The following GAS7 variants were observed in gnomAD, a reference collection of about 807,000 sequenced individuals.
The protein encoded by GAS7 is growth arrest specific 7, also known as growth arrest-specific protein 7.
A neutral mutation model predicts 71.1 loss-of-function variants in GAS7; 28 were observed. The observed-to-expected ratio is 0.39, with a 90% CI of 0.29 to 0.54. The LOEUF (loss-of-function observed/expected upper bound fraction) is 0.54, where lower values mean the gene tolerates loss of function less well. Among genes scored for constraint, GAS7 ranks in the 20% least tolerant of loss-of-function variants. The probability of loss-of-function intolerance (pLI) is 0.62; values close to 1 mark genes in which losing one functional copy is unlikely to be tolerated. For synonymous variants in GAS7, 258 were observed against 245.8 expected (o/e 1.05, Z -0.46); for missense variants, 436 against 627.8 (o/e 0.69, Z 3.27).
intron 11 of GAS7, chr17:9,924,532 C>CCCA (rs1273530859): frequency 1.3e-5 from 2 of 148,994 alleles, no homozygotes; most frequent in African/African-American, 4.9e-5. Flanking sequence ...TCTGTGCCCC[C>CCCA]CCTTCTCTCT....
intron 1 of GAS7, among the ~76,000 whole-genome samples, chr17:10,184,809 T>C (rs2142146981): frequency 6.6e-6 from 1 of 152,284 alleles, no homozygotes; most frequent in South Asian, 2.1e-4. Context: ...AGGTTGGAGC[T>C]GGTCACCAGG....
intron 5 of GAS7, among the ~76,000 whole-genome samples, 198 bp from the exon 6 acceptor site, chr17:9,947,181 C>T (rs570265390): frequency 6.6e-6 from 1 of 152,268 alleles, no homozygotes; most frequent in East Asian, 1.9e-4. Context: ...GGCTGTGAAC[C>T]AGTACCACCT....
Position 9,913,935 on chromosome 17 carries a change from AG to A in GAS7, c.*3292del. Reference sequence around the variant, plus strand: ...GGGCTGACTTGTTCTCAGAAATGGAAGGGACATTCTCAAGAATAGCCCAGAC... The same window carrying A: ...GGGCTGACTTGTTCTCAGAAATGGAAGGACATTCTCAAGAATAGCCCAGAC... On this transcript the variant is annotated 3_prime_UTR_variant, in exon 14 of 14. Transcript: ENST00000432992. 1 of 232,220 alleles carries A rather than the reference AG, an allele frequency of 4.3e-6. No homozygotes were observed. 14.4% of individuals were successfully genotyped at this position (232,220 alleles called of 1,614,324 possible). A position where few individuals can be genotyped will look rare whatever the true frequency, so the allele number is the denominator to read the frequency against.
At chr17:10,012,930 G>A (rs1233326611) in intron 2 of GAS7, among the ~76,000 whole-genome samples, 6 of 151,600 alleles carry the variant, frequency 4.0e-5, no homozygotes, top group East Asian at 2.0e-4. Context: ...GTGAAACCCC[G>A]TCTCTACTAA....
At chr17:9,979,511 G>A (rs2070331191) in intron 3 of GAS7, among the ~76,000 whole-genome samples, 1 of 152,152 alleles carries the variant, frequency 6.6e-6, no homozygotes, top group African/African-American at 2.4e-5. Context: ...TCTAAGCCAG[G>A]GACCGGAGGC....
intron 1 of GAS7, among the ~76,000 whole-genome samples, chr17:10,183,222 G>T (rs530541360): frequency 1.3e-5 from 2 of 151,936 alleles, no homozygotes; most frequent in African/African-American, 4.8e-5. Context: ...CAGAATCTCA[G>T]GCCCCACCCC....
chr17:9,949,449 C>G (rs574189653), intron 5 of GAS7, among the ~76,000 whole-genome samples: 23 of 152,316 alleles, frequency 1.5e-4, no homozygotes, highest in African/African-American at 5.3e-4. Flanking sequence ...CAAAGTCAGG[C>G]CCATGGACCT....
intron 11 of GAS7, among the ~76,000 whole-genome samples, chr17:9,921,553 T>C (rs1239899432): frequency 6.6e-6 from 1 of 152,188 alleles, no homozygotes; most frequent in Non-Finnish European, 1.5e-5. Flanking sequence ...TTCCACAGCA[T>C]TGGGAAACAG....
rs186745781 is a variant in GAS7, at chr17:10,138,940, A to G, written c.183+59268T>C. Among the ~76,000 whole-genome samples the G allele has an allele frequency of 2.7e-3, 415 of 152,302 alleles. 1 individual carries two copies. The highest frequency in any genetic ancestry group is 9.5e-3 in the African/African-American group (393 of 41,560). On this transcript the variant is annotated intron_variant, in intron 1 of 13. Coordinates refer to ENST00000432992, the MANE Select transcript of GAS7 (RefSeq NM_201433.2). Reference sequence around the variant, plus strand: ...ATATTAATATTTCAAAAATGAAAAAAATATATGATCATCTTGAGAGATGCT... The same window carrying G: ...ATATTAATATTTCAAAAATGAAAAAGATATATGATCATCTTGAGAGATGCT...
rs570997571 is a variant in GAS7 at position 9,974,371 on chromosome 17, G to A, written c.386-4609C>T. On this transcript the variant is annotated intron_variant, in intron 3 of 13. Transcript: ENST00000432992. This position sits in a 1 kb window ranked among gnomAD's most constrained non-coding sequence, Gnocchi z 4.0. Reference sequence around the variant, plus strand: ...CCTCATTGCTATTCCCTGTCCTGGGGGCTCCCGGCTCACCCAGGGTCAGCC... The same window carrying A: ...CCTCATTGCTATTCCCTGTCCTGGGAGCTCCCGGCTCACCCAGGGTCAGCC... Among the ~76,000 whole-genome samples, 9 of 152,118 alleles carry A rather than the reference G, an allele frequency of 5.9e-5. No individual in the cohort carries two copies. The highest frequency in any genetic ancestry group is 1.0e-4 in the Non-Finnish European group (7 of 67,992).
intron 1 of GAS7, among the ~76,000 whole-genome samples, chr17:10,084,460 T>A (rs1482052282): frequency 6.6e-6 from 1 of 152,098 alleles, no homozygotes; most frequent in African/African-American, 2.4e-5. Flanking sequence ...CTGCCCAGTA[T>A]CCCTTCCCTT....
intron 1 of GAS7, among the ~76,000 whole-genome samples, chr17:10,073,373 G>A (rs964053828): frequency 6.6e-6 from 1 of 152,192 alleles, no homozygotes; most frequent in Admixed American, 6.5e-5. Context: ...TGCAGGCTTG[G>A]ATCCTTCACA....
intron 1 of GAS7, among the ~76,000 whole-genome samples, chr17:10,029,210 T>G (rs1355456799): frequency 2.0e-5 from 3 of 152,146 alleles, no homozygotes; most frequent in African/African-American, 4.8e-5. Context: ...AAAAGACATC[T>G]CCGGTGCATG....
chr17:9,994,200 CAAA>C (rs1376433591), intron 2 of GAS7, among the ~76,000 whole-genome samples: 1 of 150,642 alleles, frequency 6.6e-6, no homozygotes, highest in East Asian at 1.9e-4. Flanking sequence ...CATATGGAAC[CAAA>C]AAAGAGCCCA....
At chr17:9,945,828 C>G (rs554396238) in intron 6 of GAS7, among the ~76,000 whole-genome samples, 1 of 151,852 alleles carries the variant, frequency 6.6e-6, no homozygotes, top group Non-Finnish European at 1.5e-5. Context: ...AAATAAAATA[C>G]AAAAAATTAG....
intron 13 of GAS7, among the ~76,000 whole-genome samples, 170 bp downstream of exon 13, chr17:9,917,831 A>G (rs115119090): frequency 0.014 from 2,095 of 152,300 alleles, 47 homozygotes; most frequent in African/African-American, 0.048. Flanking sequence ...GTCCAGGACA[A>G]TCCTGAGAGG....
chr17:9,937,184 A>G (rs10852918), intron 8 of GAS7, among the ~76,000 whole-genome samples: 73,744 of 152,078 alleles, frequency 0.48, 19,593 homozygotes, highest in African/African-American at 0.71. Context: ...TACACCTACG[A>G]GGCAGTGGCC....
intron 1 of GAS7, among the ~76,000 whole-genome samples, chr17:10,081,242 C>T (rs1044218984): frequency 1.3e-5 from 2 of 152,180 alleles, no homozygotes; most frequent in African/African-American, 4.8e-5. Context: ...GAAACCTTCC[C>T]CTCCCAGGTT....
At chr17:10,031,671 T>C (rs77340628) in intron 1 of GAS7, among the ~76,000 whole-genome samples, 4,733 of 152,244 alleles carry the variant, frequency 0.031, 257 homozygotes, top group African/African-American at 0.11. Context: ...GCTGTACGAA[T>C]GTAAGACAGA....
Sources: allele counts gnomAD v4.1 joint callset (sites outside exome capture counted in the v4.1 genomes callset), GRCh38; gene constraint gnomAD v4.1.1; non-coding constraint Gnocchi (gnomAD v3.1); transcripts MANE v1.5; gene names NCBI Gene and HGNC (gene_info 2026-07-23, HGNC 2026-07-21).